AMBRA1: variants seen among roughly 807,000 people sequenced by gnomAD.
AMBRA1 encodes the protein autophagy and beclin 1 regulator 1, also known as activating molecule in BECN1-regulated autophagy protein 1.
In AMBRA1, 47 loss-of-function variants were observed where a neutral mutation model predicts 125.4. The observed-to-expected ratio is 0.37, with a 90% CI of 0.30 to 0.48. AMBRA1 has a LOEUF of 0.48. Ranked by LOEUF, AMBRA1 falls within the 20% of genes least tolerant of loss-of-function variation. The pLI is 0.99. For synonymous variants in AMBRA1, 626 were observed against 655.5 expected (o/e 0.95, Z 0.69); for missense variants, 1,331 against 1,693.4 (o/e 0.79, Z 3.76).
chr11:46,465,602 G>A (rs997025394), intron 11 of AMBRA1, among the ~76,000 whole-genome samples: 1 of 152,186 alleles, frequency 6.6e-6, no homozygotes, highest in Admixed American at 6.5e-5. Flanking sequence ...TAGGGAACAT[G>A]CAAAGCCAGG....
intron 11 of AMBRA1, among the ~76,000 whole-genome samples, chr11:46,460,488 AT>A (rs1476308186): frequency 4.0e-5 from 6 of 151,664 alleles, no homozygotes; most frequent in African/African-American, 1.2e-4. Flanking sequence ...TGCCCGGCTA[AT>A]TTTTTTTGTA....
intron 14 of AMBRA1, 41 bp from the exon 15 acceptor site, chr11:46,418,093 G>C (rs1946631668): frequency 6.7e-7 from 1 of 1,499,272 alleles, no homozygotes; most frequent in East Asian, 2.4e-5. Context: ...AATGGGAGGA[G>C]AAACAATTTG....
chr11:46,497,597 A>G (rs1401534765), intron 9 of AMBRA1, among the ~76,000 whole-genome samples: 1 of 152,236 alleles, frequency 6.6e-6, no homozygotes, highest in Non-Finnish European at 1.5e-5. Flanking sequence ...TATGGGAGAA[A>G]AGAACCCACA....
intron 1 of AMBRA1, among the ~76,000 whole-genome samples, chr11:46,569,436 A>ATATATAT (rs1185545375): frequency 1.1e-4 from 14 of 132,514 alleles, no homozygotes; most frequent in Non-Finnish European, 1.9e-4. Flanking sequence ...ATTAAAAAAA[A>ATATATAT]AAAAATATAT....
At chr11:46,431,276 G>A (rs1156713967) in intron 14 of AMBRA1, among the ~76,000 whole-genome samples, 2 of 152,104 alleles carry the variant, frequency 1.3e-5, no homozygotes, top group African/African-American at 4.8e-5. Context: ...TACCTACTGA[G>A]AATCAAAAAA....
intron 1 of AMBRA1, among the ~76,000 whole-genome samples, chr11:46,572,406 T>G (rs2043799954): frequency 6.6e-6 from 1 of 152,230 alleles, no homozygotes; most frequent in Non-Finnish European, 1.5e-5. Context: ...TTCTTTGCAC[T>G]GCTGCTGCTT....
intron 7 of AMBRA1, among the ~76,000 whole-genome samples, chr11:46,529,078 A>G (rs1176201511): frequency 6.6e-6 from 1 of 152,142 alleles, no homozygotes; most frequent in Non-Finnish European, 1.5e-5. Context: ...CTCTAACTTG[A>G]TTTTAATTTC....
At chr11:46,539,683 G>A (rs1421449997) in intron 7 of AMBRA1, among the ~76,000 whole-genome samples, 1 of 152,150 alleles carries the variant, frequency 6.6e-6, no homozygotes. Context: ...ACAAGAAACT[G>A]ACTTCCCTGA....
chr11:46,415,222 C>CCACT (rs1214359554), intron 15 of AMBRA1, among the ~76,000 whole-genome samples: 5 of 152,200 alleles, frequency 3.3e-5, no homozygotes, highest in Non-Finnish European at 7.3e-5. Flanking sequence ...AGACTGGAGA[C>CCACT]CACTCATCTG....
At chr11:46,485,180 C>T (rs371042964) in intron 11 of AMBRA1, among the ~76,000 whole-genome samples, 1 of 152,212 alleles carries the variant, frequency 6.6e-6, no homozygotes, top group Non-Finnish European at 1.5e-5. Flanking sequence ...TCAGGTGATC[C>T]GCCCGCCTTG....
At chr11:46,501,746 G>T (rs1484288377) in intron 9 of AMBRA1, among the ~76,000 whole-genome samples, 2 of 152,124 alleles carry the variant, frequency 1.3e-5, no homozygotes, top group East Asian at 3.8e-4. Flanking sequence ...TGTACAAACA[G>T]CTCACATTTA....
At chr11:46,429,768 C>G (rs899529482) in intron 14 of AMBRA1, among the ~76,000 whole-genome samples, 4 of 152,004 alleles carry the variant, frequency 2.6e-5, no homozygotes, top group Non-Finnish European at 5.9e-5. Flanking sequence ...GTGCCTGGTT[C>G]CAATTAGAAA....
intron 17 of AMBRA1, among the ~76,000 whole-genome samples, chr11:46,400,633 G>C (rs1370116270): frequency 6.6e-6 from 1 of 151,674 alleles, no homozygotes; most frequent in Non-Finnish European, 1.5e-5. Flanking sequence ...AGGGAGTACA[G>C]GCAAGCACCA....
intron 14 of AMBRA1, among the ~76,000 whole-genome samples, chr11:46,426,483 A>G (rs1258436321): frequency 6.6e-6 from 1 of 152,206 alleles, no homozygotes; most frequent in Non-Finnish European, 1.5e-5. Flanking sequence ...TGCAGCATAG[A>G]CTGCACTCTA....
Position 46,508,385 on chromosome 11 carries a change from G to A in AMBRA1, c.2160-15C>T. The A allele has an allele frequency of 1.2e-6, 2 of 1,611,604 alleles. No individual in the cohort carries two copies. Among genetic ancestry groups the A allele is most frequent in the Non-Finnish European group, 1.7e-6 (2 of 1,178,092 alleles). On this transcript the variant is annotated splice_polypyrimidine_tract_variant and intron_variant, in intron 8 of 17. Transcript: ENST00000683756. ...CAGGAGATAATCTGAGAGAGACAGA[G>A]ATGGACAAACACAAACTAGCACTAA... is the stretch of plus-strand genomic sequence containing the variant.
At chr11:46,516,544 C>G (rs762480885) in intron 7 of AMBRA1, among the ~76,000 whole-genome samples, 2 of 150,586 alleles carry the variant, frequency 1.3e-5, no homozygotes, top group Non-Finnish European at 2.9e-5. Context: ...CATTCTCCTG[C>G]CTCAGCCTCC....
intron 14 of AMBRA1, among the ~76,000 whole-genome samples, chr11:46,430,996 A>G (rs930165311): frequency 2.6e-5 from 4 of 152,204 alleles, no homozygotes; most frequent in Admixed American, 2.6e-4. Context: ...CAGCTATCCA[A>G]AAAAGCTGGT....
chr11:46,533,149 C>T (rs914768603), intron 7 of AMBRA1, among the ~76,000 whole-genome samples: 4 of 148,298 alleles, frequency 2.7e-5, no homozygotes, highest in Non-Finnish European at 3.0e-5. Context: ...GGCTACAAAG[C>T]GAGACTCTGT....
At chr11:46,529,737 T>C (rs1171192658) in intron 7 of AMBRA1, among the ~76,000 whole-genome samples, 1 of 152,102 alleles carries the variant, frequency 6.6e-6, no homozygotes, top group Non-Finnish European at 1.5e-5. Context: ...GATACCCGAA[T>C]TGATATGGAA....
Sources: allele counts gnomAD v4.1 joint callset (sites outside exome capture counted in the v4.1 genomes callset), GRCh38; gene constraint gnomAD v4.1.1; transcripts MANE v1.5; gene names NCBI Gene and HGNC (gene_info 2026-07-23, HGNC 2026-07-21).